CDKL1: variants seen among roughly 807,000 people sequenced by gnomAD.
CDKL1 encodes the protein cyclin-dependent kinase-like 1.
In CDKL1, 41 loss-of-function variants were observed where a neutral mutation model predicts 42.0. That is an observed-to-expected ratio of 0.98 (90% CI 0.76 to 1.27). The LOEUF (loss-of-function observed/expected upper bound fraction) is 1.27. Among genes scored for constraint, CDKL1 ranks in the 50% most tolerant of loss-of-function variants. The pLI is 0.00. For missense variants in CDKL1, 394 were observed against 428.4 expected, an observed-to-expected ratio of 0.92 and a Z score of 0.71; for synonymous variants, 153 against 158.6, an observed-to-expected ratio of 0.96 and a Z score of 0.26.
At chr14:50,371,879 G>A (rs1313605971) in intron 2 of CDKL1, among the ~76,000 whole-genome samples, 3 of 152,218 alleles carry the variant, frequency 2.0e-5, no homozygotes, top group Non-Finnish European at 2.9e-5. Flanking sequence ...TGCCCACTCC[G>A]ATTTCAGAGC....
intron 7 of CDKL1, chr14:50,335,410 A>C: frequency 7.2e-7 from 1 of 1,392,196 alleles, no homozygotes. Flanking sequence ...ATTTTCTGGA[A>C]TAAACACTGT....
At chr14:50,392,978 G>A (rs965954698) in intron 2 of CDKL1, among the ~76,000 whole-genome samples, 6 of 152,132 alleles carry the variant, frequency 3.9e-5, no homozygotes, top group East Asian at 1.9e-4. Flanking sequence ...TGATCCTGCC[G>A]GACCCTGGCT....
chr14:50,377,752 T>G, intron 2 of CDKL1: 3 of 1,227,818 alleles, frequency 2.4e-6, no homozygotes, highest in Non-Finnish European at 3.1e-6. Context: ...ATGAGTGGTA[T>G]GCGGCAATGG....
intron 2 of CDKL1, among the ~76,000 whole-genome samples, chr14:50,361,953 A>G (rs1207392752): frequency 1.3e-5 from 2 of 152,146 alleles, no homozygotes; most frequent in Admixed American, 1.3e-4. Flanking sequence ...GGAGGTGTGG[A>G]GGGAGAGGCG....
At chr14:50,378,279 C>T in intron 2 of CDKL1, 1 of 1,366,456 alleles carries the variant, frequency 7.3e-7, no homozygotes, top group South Asian at 1.1e-5. Flanking sequence ...GCCCACGGAC[C>T]TATAATAGGA....
chr14:50,379,364 T>A (rs17122474), intron 2 of CDKL1, among the ~76,000 whole-genome samples: 36 of 152,282 alleles, frequency 2.4e-4, no homozygotes, highest in Non-Finnish European at 4.7e-4. Flanking sequence ...CTCCCTCCAC[T>A]GAAGCAGTAA....
At chr14:50,332,486 TTAA>T (rs1230457130) in intron 8 of CDKL1, 54 bp from the exon 9 acceptor site, 1 of 1,548,522 alleles carries the variant, frequency 6.5e-7, no homozygotes, top group Non-Finnish European at 8.7e-7. Flanking sequence ...TATTAACTTA[TTAA>T]TGTCATTTTT....
intron 2 of CDKL1, chr14:50,380,228 C>T (rs754672412): frequency 3.8e-6 from 2 of 532,394 alleles, no homozygotes; most frequent in African/African-American, 1.9e-5. Flanking sequence ...AAATCCGAAG[C>T]AAAACTGCAT....
intron 2 of CDKL1, among the ~76,000 whole-genome samples, chr14:50,367,569 G>C (rs2034467865): frequency 6.6e-6 from 1 of 152,184 alleles, no homozygotes; most frequent in Non-Finnish European, 1.5e-5. Context: ...TAGATGAGAA[G>C]AACTAAGCAA....
rs1566617780 is a variant in CDKL1, at chr14:50,396,289, T to G, written c.-421A>C. The G allele has an allele frequency of 1.4e-5, 14 of 1,023,986 alleles. No individual in the cohort carries two copies. Among genetic ancestry groups the G allele is most frequent in the Non-Finnish European group, 1.6e-5 (14 of 855,120 alleles). The allele number at this position is 1,023,986 out of a possible 1,614,324, so 63.4% of individuals were successfully genotyped here. ...TTATAAAATATTGGCACCAACGGAC[T>G]GCACTAGAGCCCCACCCAACGATGA... On this transcript the variant is annotated 5_prime_UTR_variant, in exon 2 of 10. Coordinates refer to ENST00000395834, the MANE Select transcript of CDKL1 (RefSeq NM_004196.7).
intron 2 of CDKL1, among the ~76,000 whole-genome samples, chr14:50,369,637 T>C (rs201685637): frequency 0.01 from 1,358 of 131,640 alleles, 19 homozygotes; most frequent in African/African-American, 0.029. Flanking sequence ...CACACACACA[T>C]ATATATATAG....
rs1222697301 is a variant in CDKL1 at position 50,342,124 on chromosome 14, A to G, written c.454+8T>C. The G allele has an allele frequency of 1.9e-6, 3 of 1,610,646 alleles. No homozygotes were observed. The highest frequency in any genetic ancestry group is 2.2e-5 in the East Asian group (1 of 44,830). On this transcript the variant is annotated splice_region_variant and intron_variant, in intron 5 of 9. Coordinates refer to ENST00000395834, the MANE Select transcript of CDKL1 (RefSeq NM_004196.7). ...TTATACTTAACAAAAGAAAATGTCA[A>G]TACTCACTCAAAAGCCGAGCAAATC...
At chr14:50,341,456 TGG>T (rs10598932) in intron 5 of CDKL1, among the ~76,000 whole-genome samples, 3,279 of 70,928 alleles carry the variant, frequency 0.046, 108 homozygotes, top group East Asian at 0.24. Flanking sequence ...GGGGAGGGTC[TGG>T]GGGGGGGGGG....
In CDKL1 at chr14:50,371,191, T is replaced by C. The variant is rs28835321; in HGVS notation, c.169-12042A>G. On this transcript the variant is annotated intron_variant, in intron 2 of 9. Transcript: ENST00000395834. The stretch of plus-strand genomic sequence containing the variant: ...AGGTTAATTTTATGACTTTGGCTAT[T>C]GTGAACAGTATTGCAATGAACATAG... Among the ~76,000 whole-genome samples the C allele has an allele frequency of 1.9e-3, 286 of 152,360 alleles. 1 individual carries two copies. The highest frequency in any genetic ancestry group is 6.6e-3 in the African/African-American group (274 of 41,590).
rs556150475 is a variant in CDKL1 at position 50,389,093 on chromosome 14, T to C, written c.168+6608A>G. Among the ~76,000 whole-genome samples, 27 of 83,782 alleles carry C rather than the reference T, an allele frequency of 3.2e-4. No individual in the cohort carries two copies. In the South Asian group the frequency reaches 4.3e-3, roughly 13 times the overall value. 55.0% of individuals were successfully genotyped at this position (83,782 alleles called of 152,430 possible). A position where few individuals can be genotyped will look rare whatever the true frequency, so the allele number is the denominator to read the frequency against. ...CAGCCTGGGCAGCAGAGTGAGACTGTCTTCAAAAAAAAAAAAAAAAAAAAA... is the reference window on the plus strand; with the variant it reads ...CAGCCTGGGCAGCAGAGTGAGACTGCCTTCAAAAAAAAAAAAAAAAAAAAA... On this transcript the variant is annotated intron_variant, in intron 2 of 9. Coordinates refer to ENST00000395834, the MANE Select transcript of CDKL1 (RefSeq NM_004196.7).
intron 2 of CDKL1, among the ~76,000 whole-genome samples, chr14:50,393,982 T>C (rs1163494952): frequency 6.6e-6 from 1 of 152,198 alleles, no homozygotes; most frequent in South Asian, 2.1e-4. Context: ...CCAACTAGTG[T>C]GCTTTGGGGA....
intron 3 of CDKL1, 35 bp from the exon 4 acceptor site, chr14:50,345,093 A>C: frequency 6.3e-7 from 1 of 1,576,364 alleles, no homozygotes; most frequent in East Asian, 2.3e-5. Context: ...CACATTCTTT[A>C]GTGTAGCCAT....
At chr14:50,395,118 G>A (rs1260932001) in intron 2 of CDKL1, among the ~76,000 whole-genome samples, 1 of 152,172 alleles carries the variant, frequency 6.6e-6, no homozygotes, top group African/African-American at 2.4e-5. Flanking sequence ...TTTGAAAACA[G>A]GTAAATGTTA....
chr14:50,385,390 TAA>T (rs2035046723), intron 2 of CDKL1, among the ~76,000 whole-genome samples: 1 of 152,232 alleles, frequency 6.6e-6, no homozygotes, highest in South Asian at 2.1e-4. Flanking sequence ...CCAGTTAGTC[TAA>T]GTCGAGGCAC....
Sources: gnomAD v4.1 joint callset for allele counts (sites outside exome capture counted in the v4.1 genomes callset) on GRCh38, gnomAD v4.1.1 for gene constraint, MANE v1.5 for transcripts, NCBI Gene and HGNC (gene_info 2026-07-23, HGNC 2026-07-21) for gene names.